The following SCEL variants were observed in gnomAD, a reference collection of about 807,000 sequenced individuals.
The protein encoded by SCEL is sciellin.
SCEL carries 113 observed loss-of-function variants against 117.6 expected under a neutral mutation model. The observed-to-expected ratio is 0.96, with a 90% CI of 0.83 to 1.12. SCEL has a LOEUF of 1.12. SCEL is among the 50% of genes most tolerant of loss of function. The pLI, the probability that SCEL is intolerant of heterozygous loss-of-function variation, is 0.00. For synonymous variants in SCEL, 270 were observed against 256.2 expected, an observed-to-expected ratio of 1.05 and a Z score of -0.51; for missense variants, 785 against 810.8, an observed-to-expected ratio of 0.97 and a Z score of 0.39.
intron 9 of SCEL, among the ~76,000 whole-genome samples, chr13:77,582,107 C>G (rs2086294474): frequency 6.6e-6 from 1 of 152,160 alleles, no homozygotes; most frequent in Admixed American, 6.5e-5. Context: ...CCTCTCATCT[C>G]TCTGTCTCCT....
At chr13:77,621,363 C>T (rs182234767) in intron 27 of SCEL, among the ~76,000 whole-genome samples, 1 of 152,294 alleles carries the variant, frequency 6.6e-6, no homozygotes, top group African/African-American at 2.4e-5. Context: ...CCCACACACC[C>T]TCTAACTTGC....
Position 77,618,067 on chromosome 13 carries a change from G to A in SCEL, c.1628+7G>A. 1 of 1,607,518 alleles carries A rather than the reference G, an allele frequency of 6.2e-7. No homozygotes were observed. The highest frequency in any genetic ancestry group is 8.5e-7 in the Non-Finnish European group (1 of 1,174,098). ...CTCTTAGAAACACTAATCGGTAAATGACCTTGACTATCTTGACATGTTTAC... is the reference window on the plus strand; with the variant it reads ...CTCTTAGAAACACTAATCGGTAAATAACCTTGACTATCTTGACATGTTTAC... On this transcript the variant is annotated splice_region_variant and intron_variant, in intron 27 of 32. Coordinates refer to ENST00000349847, the MANE Select transcript of SCEL (RefSeq NM_144777.3).
intron 11 of SCEL, 126 bp from the exon 12 acceptor site, chr13:77,593,388 A>C: frequency 1.6e-6 from 1 of 639,970 alleles, no homozygotes; most frequent in Non-Finnish European, 2.7e-6. Flanking sequence ...CATTCTGTTA[A>C]ACTCAGTAAT....
At chr13:77,576,166 A>G (rs1465929329) in intron 9 of SCEL, among the ~76,000 whole-genome samples, 1 of 152,070 alleles carries the variant, frequency 6.6e-6, no homozygotes, top group African/African-American at 2.4e-5. Context: ...TCTGCTTCCT[A>G]TCACCATTAG....
intron 28 of SCEL, among the ~76,000 whole-genome samples, chr13:77,630,020 G>C (rs2089955660): frequency 6.6e-6 from 1 of 152,174 alleles, no homozygotes; most frequent in South Asian, 2.1e-4. Context: ...GGGATAGGTA[G>C]AGTAATAATT....
chr13:77,552,606 A>G (rs2084400384), intron 1 of SCEL, among the ~76,000 whole-genome samples: 1 of 152,150 alleles, frequency 6.6e-6, no homozygotes, highest in Non-Finnish European at 1.5e-5. Context: ...CCTTTGTCAG[A>G]TGAGTAGGTT....
At chr13:77,593,724 TA>T (rs1351623512) in intron 12 of SCEL, 151 bp downstream of exon 12, 1 of 589,068 alleles carries the variant, frequency 1.7e-6, no homozygotes, top group African/African-American at 1.9e-5. Context: ...TTTCTCCAGA[TA>T]AGTATTCCTG....
chr13:77,604,385 T>G lies in SCEL; in HGVS notation c.1127T>G (p.Val376Gly), dbSNP rs1308498378. ...AAAGACCTTGATGGGCTTATTAAAG[T>G]GGATCCTGAAACAAATAAAAATATT... ...GKKDLDGLIK[V>G]DPETNKNITR... is the part of the protein sequence containing the mutation. The change falls in exon 19 of 33, where the codon GTG (valine) becomes GGG (glycine). Residue 376 changes from valine (V) to glycine (G), a missense_variant. Val to Gly is a moderately radical substitution (Grantham distance 109). Coordinates refer to ENST00000349847, the MANE Select transcript of SCEL (RefSeq NM_144777.3). 2 of 1,577,488 alleles carry G rather than the reference T, an allele frequency of 1.3e-6. No homozygotes were observed. Among genetic ancestry groups the G allele is most frequent in the Non-Finnish European group, 1.7e-6 (2 of 1,170,194 alleles).
chr13:77,560,823 T>C (rs1362507327), intron 4 of SCEL, among the ~76,000 whole-genome samples: 1 of 152,230 alleles, frequency 6.6e-6, no homozygotes, highest in Non-Finnish European at 1.5e-5. Flanking sequence ...CTGTTTGTCA[T>C]TTAAATGTAA....
rs2088784116 is a variant in SCEL, at chr13:77,613,091, C to G, written c.1388+150C>G. 1.3e-5 allele frequency: 7 copies of G among 547,266 alleles called. No individual in the cohort carries two copies. In the East Asian group the frequency reaches 2.4e-4, roughly 19 times the overall value. The allele number at this position is 547,266 out of a possible 1,614,324, so 33.9% of individuals were successfully genotyped here. ...GTGTAATAATGCTGGATAGATTTTT[C>G]TGTCTATTATTGCTTTCATTAATTT... On this transcript the variant is annotated intron_variant, in intron 23 of 32. Transcript: ENST00000349847.
intron 9 of SCEL, among the ~76,000 whole-genome samples, chr13:77,572,529 G>A (rs2085698965): frequency 6.6e-6 from 1 of 152,152 alleles, no homozygotes; most frequent in Non-Finnish European, 1.5e-5. Context: ...TGGTTTTAGA[G>A]GCCAGAAGTC....
chr13:77,639,858 T>G (rs1312561352), intron 30 of SCEL, among the ~76,000 whole-genome samples: 3 of 152,116 alleles, frequency 2.0e-5, no homozygotes, highest in Non-Finnish European at 4.4e-5. Flanking sequence ...CTGAAACTAG[T>G]ATACTCTGCA....
chr13:77,632,568 T>C (rs2090075629), intron 28 of SCEL, among the ~76,000 whole-genome samples: 1 of 152,226 alleles, frequency 6.6e-6, no homozygotes, highest in Non-Finnish European at 1.5e-5. Flanking sequence ...AGAGATAATA[T>C]GTGAACAAAT....
intron 1 of SCEL, among the ~76,000 whole-genome samples, chr13:77,554,856 G>A (rs1443536193): frequency 6.6e-6 from 1 of 152,028 alleles, no homozygotes. Flanking sequence ...ACACTGGAAA[G>A]GACATAATAC....
At chr13:77,622,182 T>G (rs1397012417) in intron 27 of SCEL, among the ~76,000 whole-genome samples, 1 of 152,190 alleles carries the variant, frequency 6.6e-6, no homozygotes, top group African/African-American at 2.4e-5. Flanking sequence ...AGTAAATTTT[T>G]TATATGAAGA....
chr13:77,593,803 C>T (rs916983161), intron 12 of SCEL, among the ~76,000 whole-genome samples: 1 of 152,166 alleles, frequency 6.6e-6, no homozygotes, highest in East Asian at 1.9e-4. Flanking sequence ...CAATTTTACT[C>T]ACCCAGTGAC....
At chr13:77,633,465 A>AAAAAAAAAAAC (rs1199649315) in intron 28 of SCEL, among the ~76,000 whole-genome samples, 1 of 143,498 alleles carries the variant, frequency 7.0e-6, no homozygotes, top group Non-Finnish European at 1.5e-5. Context: ...AAAAAAAAAA[A>AAAAAAAAAAAC]AGAAGCCAGG....
chr13:77,568,360 A>G, intron 7 of SCEL, 27 bp downstream of exon 7: 1 of 1,402,430 alleles, frequency 7.1e-7, no homozygotes, highest in Non-Finnish European at 1.0e-6. Context: ...ATTGTAGTAT[A>G]TTTCTTTTTA....
At chr13:77,640,899 C>T in intron 31 of SCEL, 115 bp downstream of exon 31, 1 of 568,814 alleles carries the variant, frequency 1.8e-6, no homozygotes, top group Admixed American at 3.3e-5. Context: ...GCACTGTCAG[C>T]CACATTAATA....
Sources: allele counts gnomAD v4.1 joint callset (sites outside exome capture counted in the v4.1 genomes callset), GRCh38; gene constraint gnomAD v4.1.1; transcripts MANE v1.5; gene names NCBI Gene and HGNC (gene_info 2026-07-23, HGNC 2026-07-21).